Variants in PRADC1 observed in about 807,000 individuals in gnomAD.
PRADC1 encodes the protein protease associated domain containing 1, also known as protease-associated domain-containing protein 1.
A neutral mutation model predicts 22.9 loss-of-function variants in PRADC1; 23 were observed. The ratio of observed to expected loss-of-function variants is 1.00; its 90% CI spans 0.72 to 1.42. The LOEUF (loss-of-function observed/expected upper bound fraction) is 1.42, where lower values mean the gene tolerates loss of function less well. PRADC1 is among the 40% of genes most tolerant of loss of function. The pLI is 0.00. For missense variants in PRADC1, 207 were observed against 258.3 expected (o/e 0.80, Z 1.36); for synonymous variants, 71 against 100.3 (o/e 0.71, Z 1.75).
rs767874419 is a variant in PRADC1, at chr2:73,233,098, G to A, written c.63C>T (p.Ala21=). 1.9e-5 allele frequency: 30 copies of A among 1,542,848 alleles called. No individual in the cohort carries two copies. The highest frequency in any genetic ancestry group is 4.1e-4 in the Middle Eastern group (2 of 4,918). ...GTCCCACCCGTTGCCGCTCACCGTG[G>A]GCCGCGACGCACGCGGGGAGCCAGA... The part of the protein sequence containing the change: ...LVLWLPACVA[A]HGFRIHDYLY... Residue 21 remains alanine, a synonymous_variant, in exon 1 of 5, where the codon GCC becomes GCT. Transcript: ENST00000258083.
rs1686603639 is a variant in PRADC1, at chr2:73,229,950, G to C, written c.168+163C>G. 3 of 620,950 alleles carry C rather than the reference G, an allele frequency of 4.8e-6. No homozygotes were observed. In the South Asian group the frequency reaches 5.8e-5, roughly 12 times the overall value. 38.5% of individuals were successfully genotyped at this position (620,950 alleles called of 1,614,324 possible). ...CTAGGTTTATATTATACTCAGGGGA[G>C]TAGCTGGAAGAGCTTCCTTTCTGTG... On this transcript the variant is annotated intron_variant, in intron 2 of 4. Transcript: ENST00000258083.
Position 73,229,465 on chromosome 2 carries a change from T to C in PRADC1, c.274A>G (p.Arg92Gly), listed in dbSNP as rs760469884. The change falls in exon 3 of 5, where the codon AGG (arginine) becomes GGG (glycine). Residue 92 changes from arginine to glycine, a missense_variant. Transcript: ENST00000258083. ...TCCTGCCTGCCCACTCCTTACCCCC[T>C]CTCCACCAGAGCAATCTGGTCCTGG... is the stretch of plus-strand genomic sequence containing the variant. ...FIQDQIALVE[R>G]GGCSFLSKTR... 9.3e-6 allele frequency: 15 copies of C among 1,611,864 alleles called. No homozygotes were observed. The Admixed American group carries it at 2.2e-4, about 23-fold the overall frequency.
chr2:73,231,365 C>T (rs181670029), intron 1 of PRADC1, among the ~76,000 whole-genome samples: 2 of 152,146 alleles, frequency 1.3e-5, no homozygotes, highest in South Asian at 2.1e-4. Context: ...GTGATCCACC[C>T]GCCTGGGCCT....
intron 1 of PRADC1, among the ~76,000 whole-genome samples, chr2:73,231,409 G>A (rs976353390): frequency 1.3e-5 from 2 of 151,004 alleles, no homozygotes; most frequent in South Asian, 2.1e-4. Context: ...GTGAGCCACC[G>A]CGCCCGGCCT....
At chr2:73,231,477 C>T (rs945546959) in intron 1 of PRADC1, among the ~76,000 whole-genome samples, 2 of 150,662 alleles carry the variant, frequency 1.3e-5, no homozygotes, top group East Asian at 2.0e-4. Context: ...AGTGCAGTGG[C>T]GCCATCTCGC....
rs1302160995 is a variant in PRADC1, at chr2:73,233,237, G to A, written c.-77C>T. 6.9e-6 allele frequency: 7 copies of A among 1,010,286 alleles called. No individual in the cohort carries two copies. The highest frequency in any genetic ancestry group is 9.4e-6 in the Non-Finnish European group (7 of 746,608). The allele number at this position is 1,010,286 out of a possible 1,614,324, so 62.6% of individuals were successfully genotyped here. A position where few individuals can be genotyped will look rare whatever the true frequency, so the allele number is the denominator to read the frequency against. On this transcript the variant is annotated 5_prime_UTR_variant, in exon 1 of 5. Transcript: ENST00000258083. ...CGCGTCGCTCGCAGGACTTCAGCCT[G>A]ACAGCTGCTCCGGCCTCCCGCCCAC...
At position 73,228,751 on chromosome 2, in the gene PRADC1, C is replaced by T. The variant is rs775978464; in HGVS notation, c.446+44G>A. The T allele has an allele frequency of 2.5e-6, 4 of 1,593,394 alleles. No individual in the cohort carries two copies. Among genetic ancestry groups the T allele is most frequent in the East Asian group, 2.2e-5 (1 of 44,572 alleles). ...GTGATTACCCCTGACCCAGTCATGGCGCCCAGCCTGGTGCTGATAAAGCCA... is the reference window on the plus strand; with the variant it reads ...GTGATTACCCCTGACCCAGTCATGGTGCCCAGCCTGGTGCTGATAAAGCCA... On this transcript the variant is annotated intron_variant, in intron 4 of 4. Coordinates refer to ENST00000258083, the MANE Select transcript of PRADC1 (RefSeq NM_032319.3). The surrounding 1 kb of genome is among the most constrained non-coding windows in gnomAD (Gnocchi z 4.0).
Position 73,233,080 on chromosome 2 carries a change from C to T in PRADC1, c.67+14G>A. ...GCCCCGCCCTGCAACGCAGTCCCAC[C>T]CGTTGCCGCTCACCGTGGGCCGCGA... On this transcript the variant is annotated intron_variant, in intron 1 of 4. Coordinates refer to ENST00000258083, the MANE Select transcript of PRADC1 (RefSeq NM_032319.3). The T allele has an allele frequency of 6.5e-7, 1 of 1,538,936 alleles. No homozygotes were observed. The highest frequency in any genetic ancestry group is 1.9e-5 in the Admixed American group (1 of 52,670).
At chr2:73,229,212 T>TG (rs1004911064) in intron 3 of PRADC1, among the ~76,000 whole-genome samples, 2 of 151,974 alleles carry the variant, frequency 1.3e-5, no homozygotes, top group Non-Finnish European at 2.9e-5. Flanking sequence ...AGCCTTAACA[T>TG]GCGGTCAAGC....
Position 73,233,228 on chromosome 2 carries a change from C to G in PRADC1, c.-68G>C. The G allele has an allele frequency of 9.2e-7, 1 of 1,090,600 alleles. No homozygotes were observed. Among genetic ancestry groups the G allele is most frequent in the Non-Finnish European group, 1.2e-6 (1 of 818,734 alleles). 67.6% of individuals were successfully genotyped at this position (1,090,600 alleles called of 1,614,324 possible). Reference sequence around the variant, plus strand: ...GCCCCGCCGCGCGTCGCTCGCAGGACTTCAGCCTGACAGCTGCTCCGGCCT... The same window carrying G: ...GCCCCGCCGCGCGTCGCTCGCAGGAGTTCAGCCTGACAGCTGCTCCGGCCT... On this transcript the variant is annotated 5_prime_UTR_variant, in exon 1 of 5. Transcript: ENST00000258083.
chr2:73,231,736 T>A (rs1433700927), intron 1 of PRADC1, among the ~76,000 whole-genome samples: 3 of 151,906 alleles, frequency 2.0e-5, no homozygotes, highest in African/African-American at 7.2e-5. Flanking sequence ...ATTACAGGCG[T>A]GAGCCACCGC....
At chr2:73,232,976 C>T in intron 1 of PRADC1, 118 bp downstream of exon 1, 1 of 1,221,118 alleles carries the variant, frequency 8.2e-7, no homozygotes, top group Non-Finnish European at 1.1e-6. Flanking sequence ...CGCTCCCAGA[C>T]CTGTCCTGCT....
chr2:73,231,051 C>T (rs1686625606), intron 1 of PRADC1, among the ~76,000 whole-genome samples: 1 of 152,278 alleles, frequency 6.6e-6, no homozygotes, highest in African/African-American at 2.4e-5. Flanking sequence ...CTCCCATACC[C>T]ATTCAAATGT....
chr2:73,229,451 C>T lies in PRADC1; in HGVS notation c.278+10G>A, dbSNP rs759618349. 1 of 1,594,910 alleles carries T rather than the reference C, an allele frequency of 6.3e-7. No homozygotes were observed. The highest frequency in any genetic ancestry group is 1.1e-5 in the South Asian group (1 of 90,640). The stretch of plus-strand genomic sequence containing the variant: ...GCCCACTCCTCGTGTCCTGCCTGCC[C>T]ACTCCTTACCCCCTCTCCACCAGAG... On this transcript the variant is annotated intron_variant, in intron 3 of 4. Coordinates refer to ENST00000258083, the MANE Select transcript of PRADC1 (RefSeq NM_032319.3).
Position 73,229,040 on chromosome 2 carries a change from A to G in PRADC1, c.279-78T>C, listed in dbSNP as rs545054206. On this transcript the variant is annotated intron_variant, in intron 3 of 4. Transcript: ENST00000258083. ...CCCCAGACCATCACCCTGGGAGTAT[A>G]GAAGGCAGACTATGAAGAATCTGTT... The G allele has an allele frequency of 1.5e-5, 19 of 1,307,254 alleles. No homozygotes were observed. In the South Asian group the frequency reaches 1.9e-4, roughly 13 times the overall value. 81.0% of individuals were successfully genotyped at this position (1,307,254 alleles called of 1,614,324 possible).
At chr2:73,231,562 G>T (rs752605165) in intron 1 of PRADC1, among the ~76,000 whole-genome samples, 2 of 152,016 alleles carry the variant, frequency 1.3e-5, no homozygotes, top group Non-Finnish European at 2.9e-5. Context: ...GACTACAGGC[G>T]TGCGCCACCA....
At chr2:73,231,445 C>G (rs1686633530) in intron 1 of PRADC1, among the ~76,000 whole-genome samples, 1 of 151,142 alleles carries the variant, frequency 6.6e-6, no homozygotes, top group South Asian at 2.1e-4. Flanking sequence ...GAGACAGGGT[C>G]TCACTTTATC....
intron 1 of PRADC1, among the ~76,000 whole-genome samples, chr2:73,231,370 G>A (rs1686632093): frequency 6.6e-6 from 1 of 151,838 alleles, no homozygotes; most frequent in Non-Finnish European, 1.5e-5. Context: ...CCACCCGCCT[G>A]GGCCTTCCAA....
chr2:73,233,248 C>T (rs1467082780), upstream of PRADC1: 25 of 894,402 alleles, frequency 2.8e-5, no homozygotes, highest in Non-Finnish European at 9.3e-6. Flanking sequence ...ACAGCTGCTC[C>T]GGCCTCCCGC....
Sources: allele counts gnomAD v4.1 joint callset (sites outside exome capture counted in the v4.1 genomes callset), GRCh38; gene constraint gnomAD v4.1.1; non-coding constraint Gnocchi (gnomAD v3.1); transcripts MANE v1.5; gene names NCBI Gene and HGNC (gene_info 2026-07-23, HGNC 2026-07-21).